MAGI3: variants seen among roughly 807,000 people sequenced by gnomAD.
MAGI3 encodes the protein membrane associated guanylate kinase, WW and PDZ domain containing 3.
A neutral mutation model predicts 121.8 loss-of-function variants in MAGI3; 43 were observed. The observed-to-expected ratio is 0.35, with a 90% CI of 0.28 to 0.46. MAGI3 has a LOEUF of 0.46. Among genes scored for constraint, MAGI3 ranks in the 20% least tolerant of loss-of-function variants. The pLI is 1.00. For missense variants in MAGI3, 1,547 were observed against 1,797.3 expected (o/e 0.86, Z 2.52); for synonymous variants, 553 against 639.3 (o/e 0.86, Z 2.04).
intron 1 of MAGI3, among the ~76,000 whole-genome samples, chr1:113,402,156 G>A (rs888206820): frequency 2.6e-5 from 4 of 151,942 alleles, no homozygotes; most frequent in South Asian, 2.1e-4. Context: ...GAAAATTGGC[G>A]AAAAAAGGAC....
chr1:113,607,908 A>G (rs976553409), intron 6 of MAGI3, among the ~76,000 whole-genome samples: 1 of 152,310 alleles, frequency 6.6e-6, no homozygotes, highest in Non-Finnish European at 1.5e-5. Flanking sequence ...TAAATCTGAC[A>G]TATTTTTCGT....
rs1209422733 is a variant in MAGI3, at chr1:113,485,729, G to A, written c.317-63786G>A. 2.0e-5 allele frequency among the ~76,000 whole-genome samples: 3 copies of A among 152,244 alleles called. No homozygotes were observed. The South Asian group carries it at 6.2e-4, about 32-fold the overall frequency. On this transcript the variant is annotated intron_variant, in intron 1 of 20. Transcript: ENST00000307546. ...TTGCTTTCGGGTTCTTAGTCATGAA[G>A]TCTTTGCTTAAGCCAATGTCTAGAA...
At chr1:113,478,387 A>T (rs1253155408) in intron 1 of MAGI3, among the ~76,000 whole-genome samples, 1 of 151,852 alleles carries the variant, frequency 6.6e-6, no homozygotes, top group East Asian at 1.9e-4. Context: ...TTGGTCTTTG[A>T]TGTTGGTGAC....
rs781322501 is a variant in MAGI3 at position 113,654,002 on chromosome 1, C to G, written c.2613C>G (p.Asn871Lys). 2 of 1,613,356 alleles carry G rather than the reference C, an allele frequency of 1.2e-6. No individual in the cohort carries two copies. The highest frequency in any genetic ancestry group is 1.7e-6 in the Non-Finnish European group (2 of 1,179,592). The change falls in exon 15 of 21, where the codon AAC (asparagine) becomes AAG (lysine). Residue 871 changes from asparagine (N) to lysine (K), a missense_variant. Coordinates refer to ENST00000307546, the MANE Select transcript of MAGI3 (RefSeq NM_001142782.2). ...GFGFVILTSK[N>K]KPPPGVIPHK... ...GCTTTGTCATCCTCACCTCCAAAAA[C>G]AAACCACCTCCAGGAGGTAAGGGCT... is the stretch of plus-strand genomic sequence containing the variant.
intron 1 of MAGI3, among the ~76,000 whole-genome samples, chr1:113,454,370 A>G (rs1384270079): frequency 6.6e-6 from 1 of 152,190 alleles, no homozygotes; most frequent in Non-Finnish European, 1.5e-5. Flanking sequence ...GCTAACAAGT[A>G]TGACCTGTCC....
intron 1 of MAGI3, among the ~76,000 whole-genome samples, chr1:113,472,531 A>G (rs1016786138): frequency 1.3e-5 from 2 of 151,618 alleles, no homozygotes; most frequent in Admixed American, 1.3e-4. Context: ...CTGTTTTGTT[A>G]ATTTTTTTCT....
At position 113,630,211 on chromosome 1, in the gene MAGI3, C is replaced by T. The variant is rs377282685; in HGVS notation, c.1360+7217C>T. On this transcript the variant is annotated intron_variant, in intron 9 of 20. Coordinates refer to ENST00000307546, the MANE Select transcript of MAGI3 (RefSeq NM_001142782.2). Reference sequence around the variant, plus strand: ...TCTTCACCTTCCACAGACAGAGAAACCTCTCCCTGTGGCCACCAACACTGG... The same window carrying T: ...TCTTCACCTTCCACAGACAGAGAAATCTCTCCCTGTGGCCACCAACACTGG... Among the ~76,000 whole-genome samples the T allele has an allele frequency of 3.9e-5, 6 of 152,034 alleles. No individual in the cohort carries two copies. The East Asian group carries it at 1.2e-3, about 29-fold the overall frequency.
At position 113,450,088 on chromosome 1, in the gene MAGI3, T is replaced by G. The variant is rs74894134; in HGVS notation, c.316+58739T>G. ...GACTTCTTTGAAAAGTATGGCAAAATTGAAACCATAGAAGTTACGGAAGAC... is the reference window on the plus strand; with the variant it reads ...GACTTCTTTGAAAAGTATGGCAAAAGTGAAACCATAGAAGTTACGGAAGAC... On this transcript the variant is annotated intron_variant, in intron 1 of 20. Coordinates refer to ENST00000307546, the MANE Select transcript of MAGI3 (RefSeq NM_001142782.2). 6.7e-6 allele frequency: 10 copies of G among 1,499,372 alleles called. No individual in the cohort carries two copies. The South Asian group carries it at 1.1e-4, about 17-fold the overall frequency. The allele number at this position is 1,499,372 out of a possible 1,614,324, so 92.9% of individuals were successfully genotyped here. A position where few individuals can be genotyped will look rare whatever the true frequency, so the allele number is the denominator to read the frequency against.
At chr1:113,441,588 C>G (rs1199316280) in intron 1 of MAGI3, among the ~76,000 whole-genome samples, 1 of 152,070 alleles carries the variant, frequency 6.6e-6, no homozygotes, top group Non-Finnish European at 1.5e-5. Context: ...CTTTGACTGC[C>G]AACCAATTTG....
At chr1:113,580,733 T>C in intron 3 of MAGI3, 72 bp downstream of exon 3, 1 of 1,403,650 alleles carries the variant, frequency 7.1e-7, no homozygotes, top group Non-Finnish European at 9.4e-7. Context: ...AGAGGGAATT[T>C]GACCAGTAAA....
At chr1:113,481,150 TC>T (rs1247676070) in intron 1 of MAGI3, among the ~76,000 whole-genome samples, 1 of 152,228 alleles carries the variant, frequency 6.6e-6, no homozygotes, top group African/African-American at 2.4e-5. Flanking sequence ...TTCCTAATTT[TC>T]CTAGTTTTCT....
chr1:113,431,967 A>G (rs1653322533), intron 1 of MAGI3, among the ~76,000 whole-genome samples: 1 of 152,238 alleles, frequency 6.6e-6, no homozygotes, highest in Admixed American at 6.5e-5. Context: ...TCAATAATTT[A>G]TAATTTTATG....
intron 1 of MAGI3, among the ~76,000 whole-genome samples, chr1:113,440,015 C>A (rs1181153012): frequency 6.6e-6 from 1 of 151,866 alleles, no homozygotes; most frequent in Non-Finnish European, 1.5e-5. Context: ...TCATACAGAC[C>A]TGGATTTGAG....
rs774657199 is a variant in MAGI3, at chr1:113,651,026, G to A, written c.2260G>A (p.Ala754Thr). 1 of 1,613,910 alleles carries A rather than the reference G, an allele frequency of 6.2e-7. No individual in the cohort carries two copies. The highest frequency in any genetic ancestry group is 8.5e-7 in the Non-Finnish European group (1 of 1,179,878). The change falls in exon 14 of 21, where the codon GCT (alanine) becomes ACT (threonine). Residue 754 changes from alanine (A) to threonine (T), a missense_variant. Transcript: ENST00000307546. ...DGPDQSIYIG[A>T]IIPLGAAEKD... is the part of the protein sequence containing the mutation. ...GTTATCTTATCAGATATATATTGGG[G>A]CTATTATTCCCCTGGGAGCAGCTGA...
chr1:113,508,544 C>G (rs965106547), intron 1 of MAGI3, among the ~76,000 whole-genome samples: 6 of 152,144 alleles, frequency 3.9e-5, no homozygotes, highest in Non-Finnish European at 2.9e-5. Flanking sequence ...TCCTAGTAAG[C>G]CAAGCTTGTT....
chr1:113,662,285 A>G (rs1028283833), intron 16 of MAGI3, among the ~76,000 whole-genome samples: 3 of 152,200 alleles, frequency 2.0e-5, no homozygotes, highest in Non-Finnish European at 2.9e-5. Flanking sequence ...CATATTTCAT[A>G]AAAGACTTCC....
chr1:113,639,311 A>T (rs1418857669), intron 9 of MAGI3, among the ~76,000 whole-genome samples: 1 of 152,118 alleles, frequency 6.6e-6, no homozygotes, highest in South Asian at 2.1e-4. Flanking sequence ...TGCAGAAATC[A>T]CCCATCTTCT....
At chr1:113,615,151 C>T (rs1042560425) in intron 7 of MAGI3, among the ~76,000 whole-genome samples, 3 of 152,116 alleles carry the variant, frequency 2.0e-5, no homozygotes, top group African/African-American at 7.2e-5. Flanking sequence ...GTGAAAGTTG[C>T]TTCTTAGGCA....
At chr1:113,682,196 T>C in intron 20 of MAGI3, 1 of 1,605,246 alleles carries the variant, frequency 6.2e-7, no homozygotes, top group Non-Finnish European at 8.5e-7. Flanking sequence ...CTAGGCTTTT[T>C]CTCTTCCCTC....
Sources: gnomAD v4.1 joint callset for allele counts (sites outside exome capture counted in the v4.1 genomes callset) on GRCh38, gnomAD v4.1.1 for gene constraint, MANE v1.5 for transcripts, NCBI Gene and HGNC (gene_info 2026-07-23, HGNC 2026-07-21) for gene names.